Variants in GOLGA8A observed in about 807,000 individuals in gnomAD.
GOLGA8A encodes the protein golgin A8 family member A.
A neutral mutation model predicts 22.1 loss-of-function variants in GOLGA8A; 3 were observed. That is an observed-to-expected ratio of 0.14 (90% CI 0.06 to 0.35). GOLGA8A has a LOEUF of 0.35. GOLGA8A is among the 10% of genes least tolerant of loss of function. The probability of loss-of-function intolerance (pLI) is 1.00; values close to 1 mark genes in which losing one functional copy is unlikely to be tolerated. For synonymous variants in GOLGA8A, 7 were observed against 91.7 expected (o/e 0.08, Z 5.28); for missense variants, 16 against 233.2 (o/e 0.07, Z 6.07).
intron 2 of GOLGA8A, among the ~76,000 whole-genome samples, chr15:34,427,978 G>A (rs969408299): frequency 6.0e-5 from 9 of 148,844 alleles, no homozygotes; most frequent in Non-Finnish European, 8.9e-5. Flanking sequence ...ATGAACTACA[G>A]CATAATATTA....
At chr15:34,411,632 T>C (rs1289489113) in intron 2 of GOLGA8A, among the ~76,000 whole-genome samples, 3 of 75,962 alleles carry the variant, frequency 3.9e-5, no homozygotes, top group East Asian at 4.2e-4. Context: ...GTGGGATGCA[T>C]AGGAAGTCCT....
At chr15:34,434,699 C>A (rs975880266) in intron 2 of GOLGA8A, among the ~76,000 whole-genome samples, 2 of 149,356 alleles carry the variant, frequency 1.3e-5, no homozygotes. Context: ...CACCCCCAGC[C>A]CCCGATGGGC....
intron 2 of GOLGA8A, among the ~76,000 whole-genome samples, chr15:34,430,557 C>T (rs1319392415): frequency 1.3e-5 from 2 of 149,076 alleles, no homozygotes; most frequent in East Asian, 2.0e-4. Context: ...TGGCCAAAAT[C>T]GGCCCACTCA....
At chr15:34,412,832 T>C (rs1350039948) in intron 2 of GOLGA8A, among the ~76,000 whole-genome samples, 2 of 143,536 alleles carry the variant, frequency 1.4e-5, no homozygotes, top group African/African-American at 5.0e-5. Flanking sequence ...AAGAAAAGGA[T>C]TTCACATGCA....
rs1299017667 is a variant in GOLGA8A, at chr15:34,379,389, G to A, written c.*2022C>T. On this transcript the variant is annotated 3_prime_UTR_variant, in exon 25 of 25. Coordinates refer to ENST00000359187, the MANE Select transcript of GOLGA8A (RefSeq NM_181077.5). Reference sequence around the variant, plus strand: ...TTTTAAAATGACTCTTTAAGATACAGTTTTAAACCCATGGGCTAGAAATCA... The same window carrying A: ...TTTTAAAATGACTCTTTAAGATACAATTTTAAACCCATGGGCTAGAAATCA... The A allele has an allele frequency of 6.6e-6, 1 of 152,406 alleles. No individual in the cohort carries two copies. Among genetic ancestry groups the A allele is most frequent in the Non-Finnish European group, 1.5e-5 (1 of 68,018 alleles). 9.4% of individuals were successfully genotyped at this position (152,406 alleles called of 1,614,324 possible).
rs560006941 is a variant in GOLGA8A, at chr15:34,380,303, C to T, written c.*1108G>A. ...GAAGCTCCATGAACAGAGAGGAATG[C>T]CAGGTGTCACACAGCTTTCCTTCAC... On this transcript the variant is annotated 3_prime_UTR_variant, in exon 25 of 25. Coordinates refer to ENST00000359187, the MANE Select transcript of GOLGA8A (RefSeq NM_181077.5). The T allele has an allele frequency of 3.9e-4, 59 of 152,234 alleles. No homozygotes were observed. Among genetic ancestry groups the T allele is most frequent in the African/African-American group, 1.3e-3 (54 of 41,546 alleles). The allele number at this position is 152,234 out of a possible 1,614,324, so 9.4% of individuals were successfully genotyped here.
At position 34,423,881 on chromosome 15, in the gene GOLGA8A, C is replaced by A. The variant is rs2433261; in HGVS notation, c.-1123+11502G>T. ...CCCTACCCCCTCATCTGCCTGTGCA[C>A]CCAGGGGGCCACCACCACTGCCTGG... On this transcript the variant is annotated intron_variant, in intron 2 of 24. Coordinates refer to ENST00000359187, the MANE Select transcript of GOLGA8A (RefSeq NM_181077.5). 2.8e-3 allele frequency among the ~76,000 whole-genome samples: 413 copies of A among 148,358 alleles called. 16 individuals are homozygous for A. Among genetic ancestry groups the A allele is most frequent in the Admixed American group, 4.6e-3 (67 of 14,666 alleles).
At chr15:34,421,488 T>A (rs1809806) in intron 2 of GOLGA8A, among the ~76,000 whole-genome samples, 37,260 of 134,442 alleles carry the variant, frequency 0.28, 8,496 homozygotes, top group African/African-American at 0.34. Flanking sequence ...GCACACGGGC[T>A]GATATTAAAC....
chr15:34,381,685 TG>T lies in GOLGA8A; in HGVS notation c.1609+15del. 1.4e-6 allele frequency: 2 copies of T among 1,380,362 alleles called. No individual in the cohort carries two copies. Among genetic ancestry groups the T allele is most frequent in the South Asian group, 1.3e-5 (1 of 79,624 alleles). 85.5% of individuals were successfully genotyped at this position (1,380,362 alleles called of 1,614,324 possible). ...CCCGCTCCTGCCTGCTCACCCCGCC[TG>T]GGGGCTCTACTCACCACCATGCTTG... On this transcript the variant is annotated intron_variant, in intron 24 of 24. Transcript: ENST00000359187.
In GOLGA8A at chr15:34,385,446, TTC is replaced by T. The variant is rs1172257084; in HGVS notation, c.351_352del (p.Lys118SerfsTer2). 16 of 658,606 alleles carry T rather than the reference TTC, an allele frequency of 2.4e-5. No individual in the cohort carries two copies. Among genetic ancestry groups the T allele is most frequent in the Non-Finnish European group, 4.0e-5 (16 of 404,054 alleles). The allele number at this position is 658,606 out of a possible 1,614,324, so 40.8% of individuals were successfully genotyped here. A position where few individuals can be genotyped will look rare whatever the true frequency, so the allele number is the denominator to read the frequency against. On this transcript the variant is annotated frameshift_variant, in exon 14 of 25. Coordinates refer to ENST00000359187, the MANE Select transcript of GOLGA8A (RefSeq NM_181077.5). LOFTEE classifies it high-confidence loss of function. ...ACTCACCTCTAGCTCCCTTTCAGCTTTCTGTTTCTCATTGTTTGCTTTCTTTT... is the reference window on the plus strand; with the variant it reads ...ACTCACCTCTAGCTCCCTTTCAGCTTTGTTTCTCATTGTTTGCTTTCTTTT...
intron 2 of GOLGA8A, among the ~76,000 whole-genome samples, chr15:34,433,891 C>T (rs1277650052): frequency 6.7e-6 from 1 of 149,334 alleles, no homozygotes; most frequent in Non-Finnish European, 1.5e-5. Context: ...GGGGAAGTAA[C>T]GCTAATTTAT....
At chr15:34,421,541 C>T (rs567983813) in intron 2 of GOLGA8A, among the ~76,000 whole-genome samples, 1 of 142,782 alleles carries the variant, frequency 7.0e-6, no homozygotes, top group Admixed American at 7.3e-5. Flanking sequence ...ACAGATTACT[C>T]GTTTTCAAGC....
chr15:34,403,727 AT>A (rs571557924), intron 5 of GOLGA8A, among the ~76,000 whole-genome samples: 3,735 of 118,792 alleles, frequency 0.031, 42 homozygotes, highest in African/African-American at 0.11. Context: ...GTACAGTAAC[AT>A]TATTTCAAAT....
intron 2 of GOLGA8A, 147 bp downstream of exon 2, chr15:34,435,236 G>C (rs73378016): frequency 6.7e-6 from 1 of 149,364 alleles, no homozygotes; most frequent in Non-Finnish European, 1.5e-5. Flanking sequence ...CAGCCACCGC[G>C]GCCCAATCCA....
chr15:34,427,303 C>A (rs774213872), intron 2 of GOLGA8A, among the ~76,000 whole-genome samples: 1 of 135,450 alleles, frequency 7.4e-6, no homozygotes, highest in African/African-American at 2.8e-5. Flanking sequence ...TGCACTCCAG[C>A]CTGGGTGACA....
intron 2 of GOLGA8A, chr15:34,418,130 T>TTA (rs756695001): frequency 6.4e-5 from 4 of 62,766 alleles, no homozygotes; most frequent in Non-Finnish European, 6.4e-5. Context: ...GTAGATTCTT[T>TTA]AAAAAAAAAA....
rs561044511 is a variant in GOLGA8A at position 34,399,224 on chromosome 15, C to T, written c.-526-21G>A. On this transcript the variant is annotated intron_variant, in intron 6 of 24. Transcript: ENST00000359187. ...CATACCTTAGAAAGAAAAAAGGAAA[C>T]ATACAAAACTATCTCGAGAATTATT... 23 of 140,300 alleles carry T rather than the reference C, an allele frequency of 1.6e-4. 2 individuals carry two copies. In the South Asian group the frequency reaches 4.9e-3, roughly 30 times the overall value. 8.7% of individuals were successfully genotyped at this position (140,300 alleles called of 1,614,324 possible). A position where few individuals can be genotyped will look rare whatever the true frequency, so the allele number is the denominator to read the frequency against.
At chr15:34,425,849 A>G (rs1257562006) in intron 2 of GOLGA8A, among the ~76,000 whole-genome samples, 1 of 145,370 alleles carries the variant, frequency 6.9e-6, no homozygotes, top group Non-Finnish European at 1.5e-5. Context: ...ATAATTCACA[A>G]TTTTTACAAA....
intron 2 of GOLGA8A, among the ~76,000 whole-genome samples, chr15:34,424,336 G>A (rs1433923682): frequency 1.5e-5 from 2 of 130,900 alleles, no homozygotes; most frequent in African/African-American, 5.7e-5. Flanking sequence ...ATCGCAGAGT[G>A]GACTAGTATC....
Sources: allele counts gnomAD v4.1 joint callset (sites outside exome capture counted in the v4.1 genomes callset), GRCh38; gene constraint gnomAD v4.1.1; transcripts MANE v1.5; gene names NCBI Gene and HGNC (gene_info 2026-07-23, HGNC 2026-07-21).